Variants in PLCL1 observed in about 807,000 individuals in gnomAD.
The protein encoded by PLCL1 is phospholipase C like 1 (inactive), also known as inactive phospholipase C-like protein 1.
Under a neutral mutation model 84.4 loss-of-function variants are expected in PLCL1, and 41 were observed. The ratio of observed to expected loss-of-function variants is 0.49; its 90% CI spans 0.38 to 0.63. The LOEUF (loss-of-function observed/expected upper bound fraction) is 0.63. Among genes scored for constraint, PLCL1 ranks in the 30% least tolerant of loss-of-function variants. The pLI is 0.00. For synonymous variants in PLCL1, 490 were observed against 488.3 expected (o/e 1.00, Z -0.05); for missense variants, 1,206 against 1,367.8 (o/e 0.88, Z 1.87).
chr2:198,071,716 A>G (rs764485577), intron 1 of PLCL1, among the ~76,000 whole-genome samples: 2 of 151,878 alleles, frequency 1.3e-5, no homozygotes, highest in African/African-American at 2.4e-5. Flanking sequence ...AAAAATATCA[A>G]TACAGTTTTA....
At chr2:198,051,551 CA>C in intron 1 of PLCL1, among the ~76,000 whole-genome samples, 1 of 152,098 alleles carries the variant, frequency 6.6e-6, no homozygotes, top group East Asian at 1.9e-4. Flanking sequence ...TCAAGAAGAA[CA>C]AAAACAAGCA....
chr2:197,900,816 C>G (rs1688248777), intron 1 of PLCL1, among the ~76,000 whole-genome samples: 1 of 152,052 alleles, frequency 6.6e-6, no homozygotes, highest in Non-Finnish European at 1.5e-5. Flanking sequence ...AATCTAAGGG[C>G]TTTTCTGGAG....
intron 1 of PLCL1, among the ~76,000 whole-genome samples, chr2:197,922,787 C>A (rs1199906376): frequency 1.3e-4 from 15 of 117,272 alleles, no homozygotes; most frequent in Non-Finnish European, 1.7e-4. Context: ...CTGACCCCCC[C>A]ACCTCCCTCC....
intron 1 of PLCL1, among the ~76,000 whole-genome samples, chr2:197,817,040 G>A (rs1418776536): frequency 2.6e-5 from 4 of 152,156 alleles, no homozygotes; most frequent in Non-Finnish European, 5.9e-5. Context: ...GTACCCATAA[G>A]TTTGTCCCCA....
At chr2:198,076,836 C>G (rs1692586342) in intron 1 of PLCL1, among the ~76,000 whole-genome samples, 1 of 152,138 alleles carries the variant, frequency 6.6e-6, no homozygotes, top group African/African-American at 2.4e-5. Context: ...GCAACAGATA[C>G]AGTGATGATC....
chr2:197,922,599 G>A (rs1170909288), intron 1 of PLCL1, among the ~76,000 whole-genome samples: 1 of 139,390 alleles, frequency 7.2e-6, no homozygotes, highest in Admixed American at 7.1e-5. Context: ...CCGGGCAGAG[G>A]CGCCCCTCAC....
chr2:198,090,559 C>G (rs1172128229), intron 3 of PLCL1, among the ~76,000 whole-genome samples: 1 of 152,098 alleles, frequency 6.6e-6, no homozygotes, highest in African/African-American at 2.4e-5. Context: ...TTCCACAGGG[C>G]ATGTTCTGCT....
chr2:198,083,123 A>G (rs1340498648), intron 1 of PLCL1, among the ~76,000 whole-genome samples: 1 of 152,250 alleles, frequency 6.6e-6, no homozygotes, highest in Admixed American at 6.5e-5. Context: ...ATAACATTGC[A>G]CTGAAATGCA....
intron 5 of PLCL1, among the ~76,000 whole-genome samples, chr2:198,140,792 A>AT (rs1239351383): frequency 2.0e-5 from 3 of 152,014 alleles, no homozygotes; most frequent in Non-Finnish European, 4.4e-5. Context: ...TTTATAAATT[A>AT]TTTTTTCTTG....
intron 1 of PLCL1, among the ~76,000 whole-genome samples, chr2:197,997,801 C>T (rs548123747): frequency 3.9e-5 from 6 of 152,260 alleles, no homozygotes; most frequent in African/African-American, 1.4e-4. Context: ...TACCTTGTGG[C>T]CCATGTGGTG....
chr2:198,074,984 A>G (rs1692544600), intron 1 of PLCL1, among the ~76,000 whole-genome samples: 1 of 152,202 alleles, frequency 6.6e-6, no homozygotes, highest in East Asian at 1.9e-4. Context: ...AATCTTTATA[A>G]CAATACATTG....
chr2:197,963,859 A>G (rs767382985), intron 1 of PLCL1, among the ~76,000 whole-genome samples: 10 of 151,988 alleles, frequency 6.6e-5, no homozygotes, highest in South Asian at 2.1e-4. Flanking sequence ...CCTTTCCCCA[A>G]TGTATGTTTT....
rs961591639 is a variant in PLCL1, at chr2:198,112,500, A to G, written c.3105+8564A>G. 2.6e-5 allele frequency among the ~76,000 whole-genome samples: 4 copies of G among 151,934 alleles called. No homozygotes were observed. In the East Asian group the frequency reaches 5.9e-4, roughly 22 times the overall value. ...CTCTAGCAAAAACTTTACAAAGGCT[A>G]TACTCCTTTCATATTCCTTCCTCAT... On this transcript the variant is annotated intron_variant, in intron 5 of 5. Transcript: ENST00000428675.
At chr2:197,924,823 T>G (rs1173910381) in intron 1 of PLCL1, among the ~76,000 whole-genome samples, 1 of 152,078 alleles carries the variant, frequency 6.6e-6, no homozygotes, top group East Asian at 1.9e-4. Context: ...AGGTATTACA[T>G]CTAGAGTTTT....
At chr2:197,870,629 T>G (rs920207904) in intron 1 of PLCL1, among the ~76,000 whole-genome samples, 1 of 152,126 alleles carries the variant, frequency 6.6e-6, no homozygotes, top group Non-Finnish European at 1.5e-5. Context: ...GAGAGAAAAG[T>G]GTCAGGCTTG....
chr2:198,135,392 T>G (rs1238550371), intron 5 of PLCL1, among the ~76,000 whole-genome samples: 1 of 152,200 alleles, frequency 6.6e-6, no homozygotes, highest in East Asian at 1.9e-4. Context: ...TCCTATTAGT[T>G]CTGTTGACAC....
intron 5 of PLCL1, among the ~76,000 whole-genome samples, chr2:198,107,771 C>T (rs1392038228): frequency 6.6e-6 from 1 of 151,894 alleles, no homozygotes; most frequent in Non-Finnish European, 1.5e-5. Flanking sequence ...GCTTTTCAGA[C>T]AGAATTGATT....
intron 5 of PLCL1, among the ~76,000 whole-genome samples, chr2:198,135,202 G>A (rs7571896): frequency 0.061 from 9,256 of 152,100 alleles, 799 homozygotes; most frequent in African/African-American, 0.19. Context: ...CACTCATGGC[G>A]GTAGTATGAA....
At chr2:197,868,581 G>A (rs541217274) in intron 1 of PLCL1, among the ~76,000 whole-genome samples, 1 of 152,140 alleles carries the variant, frequency 6.6e-6, no homozygotes, top group South Asian at 2.1e-4. Context: ...GCTGACTGGA[G>A]CCTCATCTCC....
Sources: allele counts gnomAD v4.1 joint callset (sites outside exome capture counted in the v4.1 genomes callset), GRCh38; gene constraint gnomAD v4.1.1; transcripts MANE v1.5; gene names NCBI Gene and HGNC (gene_info 2026-07-23, HGNC 2026-07-21).